Variants in CDK14 observed in about 807,000 individuals in gnomAD.
The protein encoded by CDK14 is cyclin-dependent kinase 14.
CDK14 carries 34 observed loss-of-function variants against 60.7 expected under a neutral mutation model. The ratio of observed to expected loss-of-function variants is 0.56; its 90% CI spans 0.43 to 0.75. The LOEUF (loss-of-function observed/expected upper bound fraction) is 0.75, where lower values mean the gene tolerates loss of function less well. CDK14 is among the 30% of genes least tolerant of loss of function. The pLI is 0.00. For missense variants in CDK14, 482 were observed against 564.1 expected (o/e 0.85, Z 1.47); for synonymous variants, 197 against 203.7 (o/e 0.97, Z 0.28).
chr7:90,799,690 C>CAAA (rs11353946), intron 5 of CDK14, among the ~76,000 whole-genome samples: 22 of 53,554 alleles, frequency 4.1e-4, no homozygotes, highest in South Asian at 2.4e-3. Flanking sequence ...AACTCCATCT[C>CAAA]AAAAAAAAAA....
chr7:90,914,265 G>C (rs920187356), intron 7 of CDK14, among the ~76,000 whole-genome samples: 3 of 152,052 alleles, frequency 2.0e-5, no homozygotes, highest in African/African-American at 7.2e-5. Flanking sequence ...CTTGTGATTC[G>C]TTCCCTTCTC....
At chr7:90,677,213 A>G (rs180970646) in intron 2 of CDK14, among the ~76,000 whole-genome samples, 138 of 152,292 alleles carry the variant, frequency 9.1e-4, no homozygotes, top group Non-Finnish European at 1.6e-3. Flanking sequence ...TAGACTGGTA[A>G]GTTCCATGGT....
rs1446740922 is a variant in CDK14, at chr7:90,596,326, G to A, written c.-302G>A. On this transcript the variant is annotated 5_prime_UTR_variant, in exon 1 of 15. Coordinates refer to ENST00000380050, the MANE Select transcript of CDK14 (RefSeq NM_001287135.2). ...CGGCCGCGCTTCTCTCCGTTACAAA[G>A]GAGGGAAAATGAGCCGGGCGGCGGC... 2.0e-5 allele frequency among the ~76,000 whole-genome samples: 3 copies of A among 150,848 alleles called. No individual in the cohort carries two copies. The East Asian group carries it at 5.9e-4, about 29-fold the overall frequency.
intron 14 of CDK14, among the ~76,000 whole-genome samples, chr7:91,126,348 T>C (rs1799945225): frequency 6.6e-6 from 1 of 152,178 alleles, no homozygotes; most frequent in Non-Finnish European, 1.5e-5. Context: ...ACCTCCACCA[T>C]ACCTGTTTGT....
At chr7:90,597,786 C>T (rs1176086491) in intron 1 of CDK14, among the ~76,000 whole-genome samples, 6 of 150,800 alleles carry the variant, frequency 4.0e-5, no homozygotes, top group Non-Finnish European at 8.8e-5. Flanking sequence ...GTAAGATATG[C>T]AAACTTTCTT....
intron 14 of CDK14, among the ~76,000 whole-genome samples, chr7:91,172,245 T>C (rs1801542488): frequency 6.6e-6 from 1 of 152,212 alleles, no homozygotes; most frequent in African/African-American, 2.4e-5. Flanking sequence ...TTATTTATTA[T>C]TTGCGTAGTT....
intron 10 of CDK14, among the ~76,000 whole-genome samples, chr7:90,991,943 T>C (rs1795551350): frequency 6.6e-6 from 1 of 152,154 alleles, no homozygotes; most frequent in African/African-American, 2.4e-5. Flanking sequence ...ACTAATAACA[T>C]CTTAAGGTCC....
intron 3 of CDK14, among the ~76,000 whole-genome samples, chr7:90,744,016 A>G (rs7796822): frequency 1.3e-5 from 2 of 151,318 alleles, no homozygotes; most frequent in Non-Finnish European, 2.9e-5. Context: ...CTTTTTTTTT[A>G]AATTATTTAT....
intron 14 of CDK14, among the ~76,000 whole-genome samples, chr7:91,151,751 A>G (rs1016057724): frequency 2.6e-5 from 4 of 152,094 alleles, no homozygotes; most frequent in Non-Finnish European, 5.9e-5. Context: ...TTTGATCCAT[A>G]CTCATGCCTA....
At chr7:90,997,252 A>C (rs1390564581) in intron 10 of CDK14, among the ~76,000 whole-genome samples, 1 of 152,196 alleles carries the variant, frequency 6.6e-6, no homozygotes, top group Non-Finnish European at 1.5e-5. Context: ...GAATATAAGG[A>C]CTACTTTGTG....
chr7:90,620,411 T>C (rs542214968), intron 2 of CDK14, among the ~76,000 whole-genome samples: 2 of 152,186 alleles, frequency 1.3e-5, no homozygotes, highest in East Asian at 3.9e-4. Context: ...CAGACGGCGG[T>C]GAGTGACGCT....
chr7:90,616,314 A>G (rs1305867984), intron 2 of CDK14, among the ~76,000 whole-genome samples: 1 of 152,216 alleles, frequency 6.6e-6, no homozygotes, highest in Non-Finnish European at 1.5e-5. Flanking sequence ...AAATATAGGT[A>G]AAGAAGAGAG....
At chr7:90,683,580 C>T (rs1186196077) in intron 2 of CDK14, among the ~76,000 whole-genome samples, 1 of 152,220 alleles carries the variant, frequency 6.6e-6, no homozygotes, top group Non-Finnish European at 1.5e-5. Flanking sequence ...GCGGGCGGAT[C>T]ACCTGAGGTC....
At chr7:91,007,438 G>T (rs139208496) in intron 10 of CDK14, among the ~76,000 whole-genome samples, 1 of 152,276 alleles carries the variant, frequency 6.6e-6, no homozygotes, top group African/African-American at 2.4e-5. Flanking sequence ...GTTAACCAGG[G>T]TCAGTTTTCC....
chr7:90,692,399 A>G, intron 2 of CDK14, among the ~76,000 whole-genome samples: 1 of 152,190 alleles, frequency 6.6e-6, no homozygotes, highest in Non-Finnish European at 1.5e-5. Flanking sequence ...TATTTTTGAA[A>G]TTCTGTTTTT....
At chr7:90,682,866 T>A (rs1801349335) in intron 2 of CDK14, among the ~76,000 whole-genome samples, 1 of 152,196 alleles carries the variant, frequency 6.6e-6, no homozygotes, top group Admixed American at 6.5e-5. Context: ...TGTTTCCTCT[T>A]GTTTAGTTTT....
At chr7:90,920,682 C>T (rs1793221137) in intron 8 of CDK14, among the ~76,000 whole-genome samples, 2 of 152,172 alleles carry the variant, frequency 1.3e-5, no homozygotes, top group Non-Finnish European at 2.9e-5. Flanking sequence ...AATTATTGAT[C>T]GTTTTTGTAT....
intron 10 of CDK14, among the ~76,000 whole-genome samples, chr7:91,028,294 A>T (rs1796660457): frequency 1.3e-5 from 2 of 151,768 alleles, no homozygotes; most frequent in Admixed American, 6.6e-5. Flanking sequence ...ACACACACAC[A>T]CACCCCCCAC....
chr7:90,660,707 C>T (rs1330746610), intron 2 of CDK14, among the ~76,000 whole-genome samples: 1 of 152,190 alleles, frequency 6.6e-6, no homozygotes, highest in African/African-American at 2.4e-5. Flanking sequence ...GTATTCAATT[C>T]AATGATCTTT....
Sources: gnomAD v4.1 joint callset for allele counts (sites outside exome capture counted in the v4.1 genomes callset) on GRCh38, gnomAD v4.1.1 for gene constraint, MANE v1.5 for transcripts, NCBI Gene and HGNC (gene_info 2026-07-23, HGNC 2026-07-21) for gene names.